Variants in ROBO1 observed in about 807,000 individuals in gnomAD.
ROBO1 encodes the protein roundabout guidance receptor 1.
A neutral mutation model predicts 195.9 loss-of-function variants in ROBO1; 149 were observed. The observed-to-expected ratio is 0.76, with a 90% CI of 0.67 to 0.87. The LOEUF (loss-of-function observed/expected upper bound fraction) is 0.87, where lower values mean the gene tolerates loss of function less well. ROBO1 is among the 40% of genes least tolerant of loss of function. The pLI is 0.00. For synonymous variants in ROBO1, 816 were observed against 733.2 expected (o/e 1.11, Z -1.82); for missense variants, 1,933 against 2,068.3 (o/e 0.93, Z 1.27).
chr3:78,963,501 T>G (rs1560056162), intron 3 of ROBO1, among the ~76,000 whole-genome samples: 5 of 118,850 alleles, frequency 4.2e-5, no homozygotes, highest in Non-Finnish European at 7.3e-5. Flanking sequence ...TCAGTTTTTT[T>G]TTTTTTTTTT....
At chr3:78,907,633 C>T (rs926138199) in intron 4 of ROBO1, among the ~76,000 whole-genome samples, 1 of 152,158 alleles carries the variant, frequency 6.6e-6, no homozygotes, top group South Asian at 2.1e-4. Context: ...AGAAATATTA[C>T]ACTCATGAGT....
At chr3:79,012,746 A>G (rs942867895) in intron 3 of ROBO1, among the ~76,000 whole-genome samples, 9 of 152,220 alleles carry the variant, frequency 5.9e-5, no homozygotes, top group Non-Finnish European at 1.3e-4. Context: ...AGCAAGCAAC[A>G]TGACACCTTT....
chr3:79,264,800 C>T (rs1273018684), intron 2 of ROBO1, among the ~76,000 whole-genome samples: 1 of 151,860 alleles, frequency 6.6e-6, no homozygotes. Context: ...AATAAGTAGG[C>T]ACAAACATTT....
intron 2 of ROBO1, among the ~76,000 whole-genome samples, chr3:79,576,726 A>G (rs1052935641): frequency 1.4e-4 from 22 of 152,176 alleles, no homozygotes; most frequent in African/African-American, 4.6e-4. Context: ...GAAATGGGGA[A>G]AAAAGGTAGT....
rs147846532 is a variant in ROBO1, at chr3:78,944,530, G to T, written c.173-5603C>A. Among the ~76,000 whole-genome samples the T allele has an allele frequency of 3.6e-3, 548 of 152,280 alleles. 12 individuals carry two copies. Among genetic ancestry groups the T allele is most frequent in the Admixed American group, 0.026 (396 of 15,296 alleles). On this transcript the variant is annotated intron_variant, in intron 3 of 30. Coordinates refer to ENST00000464233, the MANE Select transcript of ROBO1 (RefSeq NM_002941.4). ...GGGATAGAAGAAAATAAATGTGGAG[G>T]GAGGAGCCAAGATGGCCGAATAGGA...
chr3:79,344,936 G>A (rs2035053400), intron 2 of ROBO1, among the ~76,000 whole-genome samples: 1 of 151,900 alleles, frequency 6.6e-6, no homozygotes, highest in African/African-American at 2.4e-5. Flanking sequence ...CTCTCCTGCT[G>A]CCATGTGAAG....
chr3:78,970,708 C>T (rs1409489897), intron 3 of ROBO1, among the ~76,000 whole-genome samples: 1 of 152,066 alleles, frequency 6.6e-6, no homozygotes, highest in Admixed American at 6.6e-5. Flanking sequence ...AGGAAATCAT[C>T]TTCCAGAACA....
chr3:79,361,902 AAAT>A (rs1456223606), intron 2 of ROBO1, among the ~76,000 whole-genome samples: 59 of 152,210 alleles, frequency 3.9e-4, no homozygotes, highest in East Asian at 2.7e-3. Context: ...CTTGATTAAA[AAAT>A]AATTTTTCTC....
At chr3:79,646,480 T>C (rs1433192978) in intron 1 of ROBO1, among the ~76,000 whole-genome samples, 2 of 152,156 alleles carry the variant, frequency 1.3e-5, no homozygotes, top group Non-Finnish European at 2.9e-5. Context: ...GAACAATTAC[T>C]ATGAAAAATT....
intron 2 of ROBO1, among the ~76,000 whole-genome samples, chr3:79,507,556 T>TA (rs1440768600): frequency 6.6e-6 from 1 of 152,212 alleles, no homozygotes; most frequent in Non-Finnish European, 1.5e-5. Flanking sequence ...GTGGTCCTTC[T>TA]ATGCACTTTG....
chr3:79,296,997 A>G (rs1282842123), intron 2 of ROBO1, among the ~76,000 whole-genome samples: 3 of 152,174 alleles, frequency 2.0e-5, no homozygotes, highest in African/African-American at 7.2e-5. Context: ...TTGAAAGCAA[A>G]TTTAATTGTT....
chr3:79,632,874 A>G (rs1945385088), intron 1 of ROBO1, among the ~76,000 whole-genome samples: 1 of 152,136 alleles, frequency 6.6e-6, no homozygotes, highest in Admixed American at 6.6e-5. Flanking sequence ...TCCAAAAAAG[A>G]TATCTGATTA....
chr3:78,673,214 A>C (rs1472585126), intron 10 of ROBO1, among the ~76,000 whole-genome samples: 1 of 151,772 alleles, frequency 6.6e-6, no homozygotes, highest in Non-Finnish European at 1.5e-5. Flanking sequence ...GTAAAATGAG[A>C]TATGGTTAGA....
rs1421034051 is a variant in ROBO1 at position 78,668,314 on chromosome 3, GA to G, written c.1631-13del. ...TGGAACTCCAAATTCTAAAAAGCAG[GA>G]AAAAGGCCAAAATAAAAGATGTTTA... On this transcript the variant is annotated splice_polypyrimidine_tract_variant and intron_variant, in intron 12 of 30. Transcript: ENST00000464233. 1 of 1,611,068 alleles carries G rather than the reference GA, an allele frequency of 6.2e-7. No homozygotes were observed. The highest frequency in any genetic ancestry group is 1.1e-5 in the South Asian group (1 of 90,738).
At chr3:79,749,805 G>A (rs73126787) in intron 1 of ROBO1, among the ~76,000 whole-genome samples, 24,813 of 152,228 alleles carry the variant, frequency 0.16, 2,078 homozygotes, top group East Asian at 0.25. Flanking sequence ...GGATACCCAG[G>A]CAGAAGTTCA....
At chr3:78,672,208 T>C (rs1169323359) in intron 10 of ROBO1, among the ~76,000 whole-genome samples, 1 of 151,938 alleles carries the variant, frequency 6.6e-6, no homozygotes, top group Non-Finnish European at 1.5e-5. Flanking sequence ...GCTAGACATA[T>C]TATGTACTGT....
intron 2 of ROBO1, among the ~76,000 whole-genome samples, chr3:79,173,428 C>G (rs1053305702): frequency 2.0e-5 from 3 of 151,994 alleles, no homozygotes; most frequent in Non-Finnish European, 4.4e-5. Flanking sequence ...GCCCGCACTC[C>G]GAGCAGCTGG....
intron 1 of ROBO1, among the ~76,000 whole-genome samples, chr3:79,621,391 A>G (rs1168766143): frequency 1.3e-5 from 2 of 152,146 alleles, no homozygotes; most frequent in East Asian, 3.9e-4. Context: ...AAAAAGCTTT[A>G]TTGCTCACAC....
At chr3:79,354,632 G>A (rs1323323895) in intron 2 of ROBO1, among the ~76,000 whole-genome samples, 1 of 152,044 alleles carries the variant, frequency 6.6e-6, no homozygotes, top group Non-Finnish European at 1.5e-5. Context: ...CAGCACCACT[G>A]GCCAACCTTT....
Sources: allele counts gnomAD v4.1 joint callset (sites outside exome capture counted in the v4.1 genomes callset), GRCh38; gene constraint gnomAD v4.1.1; transcripts MANE v1.5; gene names NCBI Gene and HGNC (gene_info 2026-07-23, HGNC 2026-07-21).